Variants in MCM5 observed in about 807,000 individuals in gnomAD.
MCM5 encodes minichromosome maintenance complex component 5, also known as DNA replication licensing factor MCM5.
In MCM5, 46 loss-of-function variants were observed where a neutral mutation model predicts 79.9. That is an observed-to-expected ratio of 0.58 (90% CI 0.45 to 0.74). The LOEUF is 0.74. Among genes scored for constraint, MCM5 ranks in the 30% least tolerant of loss-of-function variants. The probability of loss-of-function intolerance (pLI) is 0.00; values close to 1 mark genes in which losing one functional copy is unlikely to be tolerated. For synonymous variants in MCM5, 404 were observed against 390.5 expected, an observed-to-expected ratio of 1.03 and a Z score of -0.41; for missense variants, 883 against 1,017.0, an observed-to-expected ratio of 0.87 and a Z score of 1.79.
the MCM5 span, among the ~76,000 whole-genome samples, chr22:35,438,809 A>G: frequency 2.0e-5 from 3 of 146,982 alleles, no homozygotes; most frequent in East Asian, 2.0e-4. Flanking sequence ...CCATCCATCC[A>G]TCCATCCGTC....
chr22:35,453,610 GAC>G, the MCM5 span, among the ~76,000 whole-genome samples: 5 of 150,722 alleles, frequency 3.3e-5, no homozygotes, highest in Non-Finnish European at 5.9e-5. Flanking sequence ...CATAAATAGA[GAC>G]AGAGAGATAA....
chr22:35,436,102 G>A, the MCM5 span, among the ~76,000 whole-genome samples: 1 of 149,000 alleles, frequency 6.7e-6, no homozygotes, highest in Non-Finnish European at 1.5e-5. Flanking sequence ...GGGAAGCAGA[G>A]GTTGTGAACT....
intron 5 of MCM5, among the ~76,000 whole-genome samples, chr22:35,407,010 T>C (rs73885954): frequency 6.6e-6 from 1 of 152,286 alleles, no homozygotes; most frequent in African/African-American, 2.4e-5. Context: ...ATGAGTCTAC[T>C]TGGAATCTTC....
At chr22:35,433,579 C>T in the MCM5 span, among the ~76,000 whole-genome samples, 151 of 152,308 alleles carry the variant, frequency 9.9e-4, no homozygotes, top group African/African-American at 3.3e-3. Flanking sequence ...GCATTGGTTG[C>T]CACGTGTTGC....
the MCM5 span, among the ~76,000 whole-genome samples, chr22:35,436,119 G>A: frequency 1.4e-5 from 2 of 140,330 alleles, no homozygotes; most frequent in East Asian, 2.1e-4. Context: ...AACTGAGATC[G>A]CACCACTGCA....
chr22:35,401,237 T>G, intron 2 of MCM5: 1 of 374,226 alleles, frequency 2.7e-6, no homozygotes. Flanking sequence ...CAGATCTTGT[T>G]CCTGTTCATC....
At chr22:35,419,309 G>A (rs1932631133) in intron 13 of MCM5, among the ~76,000 whole-genome samples, 1 of 152,186 alleles carries the variant, frequency 6.6e-6, no homozygotes, top group African/African-American at 2.4e-5. Flanking sequence ...GTGACTGTCA[G>A]TTGGCCTGGG....
At chr22:35,449,580 C>T in the MCM5 span, among the ~76,000 whole-genome samples, 38 of 52,556 alleles carry the variant, frequency 7.2e-4, no homozygotes, top group Non-Finnish European at 1.4e-3. Flanking sequence ...TGTGGCCTCT[C>T]TGTCCCAGCC....
At chr22:35,438,652 C>T in the MCM5 span, among the ~76,000 whole-genome samples, 1 of 41,518 alleles carries the variant, frequency 2.4e-5, no homozygotes, top group East Asian at 3.7e-4. Flanking sequence ...TCCATCCATC[C>T]ATCCGTCCAT....
At chr22:35,410,487 G>A (rs1025963459) in intron 6 of MCM5, 1 of 457,882 alleles carries the variant, frequency 2.2e-6, no homozygotes. Flanking sequence ...TTCAGCGAGA[G>A]TCAGGCCACC....
chr22:35,406,869 C>T (rs1601753732), intron 5 of MCM5, 144 bp downstream of exon 5: 4 of 806,438 alleles, frequency 5.0e-6, no homozygotes, highest in Non-Finnish European at 5.8e-6. Flanking sequence ...AGGATTGGCA[C>T]AGATCTGATG....
the MCM5 span, among the ~76,000 whole-genome samples, chr22:35,453,844 A>AGAGAGAGAGAGAGATAGG: frequency 6.7e-6 from 1 of 149,598 alleles, no homozygotes; most frequent in East Asian, 2.0e-4. Context: ...AGAGAGAGAG[A>AGAGAGAGAGAGAGATAGG]GAGATAGGGA....
At chr22:35,438,476 T>TATCCATCCATCCATCC in the MCM5 span, among the ~76,000 whole-genome samples, 5,777 of 107,554 alleles carry the variant, frequency 0.054, 256 homozygotes, top group Non-Finnish European at 0.071. Context: ...TCCATCCACA[T>TATCCATCCATCCATCC]ATCCATCCAT....
At chr22:35,443,018 A>T in the MCM5 span, among the ~76,000 whole-genome samples, 1 of 152,070 alleles carries the variant, frequency 6.6e-6, no homozygotes, top group African/African-American at 2.4e-5. Flanking sequence ...TGGAAACTGC[A>T]TCCTCCTCTG....
the MCM5 span, among the ~76,000 whole-genome samples, chr22:35,438,939 TCATCCATCCATG>T: frequency 2.3e-5 from 2 of 85,976 alleles, no homozygotes; most frequent in Non-Finnish European, 4.7e-5. Context: ...ATCCATCCAT[TCATCCATCCATG>T]CATCCACCCA....
At chr22:35,417,010 G>C (rs924763135) in intron 12 of MCM5, among the ~76,000 whole-genome samples, 196 bp downstream of exon 12, 8 of 152,196 alleles carry the variant, frequency 5.3e-5, no homozygotes, top group Admixed American at 1.3e-4. Context: ...CCTGTGGCCT[G>C]CTCTGCCTCT....
the MCM5 span, among the ~76,000 whole-genome samples, chr22:35,436,900 C>CCCA: frequency 0.48 from 73,075 of 151,820 alleles, 20,100 homozygotes; most frequent in Non-Finnish European, 0.63. Flanking sequence ...GGGGGAGAGT[C>CCCA]AGTTCGCAGA....
chr22:35,403,172 C>A (rs1398614377), intron 2 of MCM5, 35 bp from the exon 3 acceptor site: 1 of 1,609,802 alleles, frequency 6.2e-7, no homozygotes, highest in Non-Finnish European at 8.5e-7. Context: ...TTCTTTGCAC[C>A]CTTCCTGCCC....
chr22:35,442,995 C>T, the MCM5 span, among the ~76,000 whole-genome samples: 2 of 152,274 alleles, frequency 1.3e-5, no homozygotes, highest in East Asian at 3.9e-4. Context: ...CTTTGGGTCC[C>T]CCTTCACAGC....
Sources: gnomAD v4.1 joint callset for allele counts (sites outside exome capture counted in the v4.1 genomes callset) on GRCh38, gnomAD v4.1.1 for gene constraint, MANE v1.5 for transcripts, NCBI Gene and HGNC (gene_info 2026-07-23, HGNC 2026-07-21) for gene names.